Variants in ZBTB39 observed in about 807,000 individuals in gnomAD.
ZBTB39 encodes the protein zinc finger and BTB domain containing 39.
Under a neutral mutation model 39.4 loss-of-function variants are expected in ZBTB39, and 25 were observed. That is an observed-to-expected ratio of 0.63 (90% CI 0.46 to 0.89). The LOEUF is 0.89. Ranked by LOEUF, ZBTB39 falls within the 40% of genes least tolerant of loss-of-function variation. The pLI, the probability that ZBTB39 is intolerant of heterozygous loss-of-function variation, is 0.00. For missense variants in ZBTB39, 891 were observed against 909.7 expected (o/e 0.98, Z 0.26); for synonymous variants, 373 against 359.6 (o/e 1.04, Z -0.42).
chr12:57,001,032 C>T lies in ZBTB39; in HGVS notation c.*1747G>A, dbSNP rs1048014763. On this transcript the variant is annotated 3_prime_UTR_variant, in exon 2 of 2. Transcript: ENST00000300101. ...TGAAAGGCCTGGAATTTAACTGTCCCGAACTTTATAGAACATACACCCATG... is the reference window on the plus strand; with the variant it reads ...TGAAAGGCCTGGAATTTAACTGTCCTGAACTTTATAGAACATACACCCATG... The T allele has an allele frequency of 2.0e-5, 3 of 152,222 alleles. No individual in the cohort carries two copies. Among genetic ancestry groups the T allele is most frequent in the African/African-American group, 7.2e-5 (3 of 41,422 alleles). The allele number at this position is 152,222 out of a possible 1,614,324, so 9.4% of individuals were successfully genotyped here. A position where few individuals can be genotyped will look rare whatever the true frequency, so the allele number is the denominator to read the frequency against.
chr12:57,004,536 T>A lies in ZBTB39; in HGVS notation c.382A>T (p.Thr128Ser). ...CTGGTCAGGGGCTTGGCCCTGGCAG[T>A]GCTCTCCAGATCAGGAAAGGTAGAG... is the stretch of plus-strand genomic sequence containing the variant. ...CHSTFPDLESTARAKPLTSTS... is the reference protein window; with the variant it reads ...CHSTFPDLESSARAKPLTSTS... The change falls in exon 2 of 2, where the codon ACT becomes TCT. Residue 128 changes from threonine (T) to serine (S), a missense_variant. Physicochemically the swap from Thr to Ser is moderately conservative, Grantham distance 58. Transcript: ENST00000300101. 7 of 1,614,164 alleles carry A rather than the reference T, an allele frequency of 4.3e-6. No homozygotes were observed. Among genetic ancestry groups the A allele is most frequent in the Non-Finnish European group, 5.9e-6 (7 of 1,180,028 alleles).
Position 57,003,283 on chromosome 12 carries a change from C to T in ZBTB39, c.1635G>A (p.Gln545=), listed in dbSNP as rs1956221619. 9.9e-6 allele frequency: 16 copies of T among 1,614,066 alleles called. No homozygotes were observed. The highest frequency in any genetic ancestry group is 1.4e-5 in the Non-Finnish European group (16 of 1,180,012). The change falls in exon 2 of 2, where the codon CAG becomes CAA. Residue 545 remains glutamine (Q), a synonymous_variant. Coordinates refer to ENST00000300101, the MANE Select transcript of ZBTB39 (RefSeq NM_014830.3). This position sits in a 1 kb window ranked among gnomAD's most constrained non-coding sequence, Gnocchi z 4.8. The part of the protein sequence containing the change: ...DALFHCRLCS[Q]SFKSEAAYRY... ...GATAGGCAGCCTCTGACTTGAAGCT[C>T]TGGCTGCACAAGCGGCAGTGGAAGA...
intron 1 of ZBTB39, among the ~76,000 whole-genome samples, chr12:57,006,099 TCC>T (rs1956243600): frequency 6.6e-6 from 1 of 151,994 alleles, no homozygotes; most frequent in African/African-American, 2.4e-5. Flanking sequence ...CGCCGCGGTC[TCC>T]CCTCCGGAGT....
In ZBTB39 at chr12:57,004,506, T is replaced by C. The variant is rs763106876; in HGVS notation, c.412A>G (p.Ser138Gly). ...CTCAGGGTACCAGAGTGGCTCTCAC[T>C]GGTGCTGGTCAGGGGCTTGGCCCTG... Reference protein sequence around the residue: ...TARAKPLTSTSESHSGTLSCP... With the variant: ...TARAKPLTSTGESHSGTLSCP... The change falls in exon 2 of 2, where the codon AGT (serine) becomes GGT (glycine). Residue 138 changes from serine to glycine, a missense_variant. Coordinates refer to ENST00000300101, the MANE Select transcript of ZBTB39 (RefSeq NM_014830.3). 10 of 1,614,190 alleles carry C rather than the reference T, an allele frequency of 6.2e-6. No homozygotes were observed. The highest frequency in any genetic ancestry group is 1.6e-4 in the Middle Eastern group (1 of 6,062).
At position 57,003,594 on chromosome 12, in the gene ZBTB39, G is replaced by T. The variant is rs765230925; in HGVS notation, c.1324C>A (p.Leu442Ile). The change falls in exon 2 of 2, where the codon CTC becomes ATC. Residue 442 changes from leucine to isoleucine, a missense_variant. Leu to Ile is a conservative substitution (Grantham distance 5). Coordinates refer to ENST00000300101, the MANE Select transcript of ZBTB39 (RefSeq NM_014830.3). The surrounding 1 kb of genome is among the most constrained non-coding windows in gnomAD (Gnocchi z 4.8). Reference sequence around the variant, plus strand: ...TCTGGGGAGGCTGCCCCTGAAAAGAGACCCAGCTTCCCTGGCAGGGGATCG... The same window carrying T: ...TCTGGGGAGGCTGCCCCTGAAAAGATACCCAGCTTCCCTGGCAGGGGATCG... ...PNDPLPGKLGLFSGAASPELK... is the reference protein window; with the variant it reads ...PNDPLPGKLGIFSGAASPELK... 3.1e-6 allele frequency: 5 copies of T among 1,614,002 alleles called. No individual in the cohort carries two copies. The highest frequency in any genetic ancestry group is 2.2e-5 in the East Asian group (1 of 44,902).
In ZBTB39 at chr12:57,004,093, G is replaced by A; in HGVS notation, c.825C>T (p.Ser275=). 6.2e-7 allele frequency: 1 copy of A among 1,614,222 alleles called. No homozygotes were observed. Among genetic ancestry groups the A allele is most frequent in the African/African-American group, 1.3e-5 (1 of 75,058 alleles). The stretch of plus-strand genomic sequence containing the variant: ...TGGAGTGCTCACTATTGCTCAGACA[G>A]GAGTTGGTCCCAGTGGTAATGTCTA... The part of the protein sequence containing the change: ...NAVDITTGTN[S]CLSNSEHSKD... Residue 275 remains serine, a synonymous_variant, in exon 2 of 2, where the codon TCC becomes TCT. Coordinates refer to ENST00000300101, the MANE Select transcript of ZBTB39 (RefSeq NM_014830.3).
In ZBTB39 at chr12:57,002,466, AGAGAG is replaced by A; in HGVS notation, c.*308_*312del. ...TAAAACCTATCAGTAAACTAAAACT[AGAGAG>A]GCTGGGGAAGGGGGTCTAGTGGACA... On this transcript the variant is annotated 3_prime_UTR_variant, in exon 2 of 2. Transcript: ENST00000300101. 2.8e-6 allele frequency: 1 copy of A among 353,014 alleles called. No individual in the cohort carries two copies. The highest frequency in any genetic ancestry group is 5.0e-5 in the East Asian group (1 of 20,126). The allele number at this position is 353,014 out of a possible 1,614,324, so 21.9% of individuals were successfully genotyped here. A position where few individuals can be genotyped will look rare whatever the true frequency, so the allele number is the denominator to read the frequency against.
Position 57,004,964 on chromosome 12 carries a change from G to C in ZBTB39, c.-44-3C>G, listed in dbSNP as rs764322453. 2 of 1,519,902 alleles carry C rather than the reference G, an allele frequency of 1.3e-6. No individual in the cohort carries two copies. The highest frequency in any genetic ancestry group is 1.8e-6 in the Non-Finnish European group (2 of 1,129,326). 94.2% of individuals were successfully genotyped at this position (1,519,902 alleles called of 1,614,324 possible). ...ACCTCCTTATCAGCACAGTTAATCT[G>C]TGGATAGCAAGAGAAAAAGATGGAT... On this transcript the variant is annotated splice_region_variant and splice_polypyrimidine_tract_variant and intron_variant, in intron 1 of 1. Transcript: ENST00000300101.
rs1956246971 is a variant in ZBTB39 at position 57,006,490 on chromosome 12, G to T, written c.-130C>A. ...GCCGTGCCCGGCCCGACGAGGAGGC[G>T]GCGCCGCCGGCCGCGGCCAGACTCT... is the stretch of plus-strand genomic sequence containing the variant. On this transcript the variant is annotated 5_prime_UTR_variant, in exon 1 of 2. Coordinates refer to ENST00000300101, the MANE Select transcript of ZBTB39 (RefSeq NM_014830.3). 6.8e-6 allele frequency: 1 copy of T among 147,668 alleles called. No homozygotes were observed. Among genetic ancestry groups the T allele is most frequent in the Non-Finnish European group, 1.5e-5 (1 of 66,362 alleles). 9.1% of individuals were successfully genotyped at this position (147,668 alleles called of 1,614,324 possible).
rs756938046 is a variant in ZBTB39, at chr12:57,004,032, G to C, written c.886C>G (p.Leu296Val). 3.1e-6 allele frequency: 5 copies of C among 1,614,250 alleles called. No homozygotes were observed. Among genetic ancestry groups the C allele is most frequent in the Non-Finnish European group, 4.2e-6 (5 of 1,180,044 alleles). Residue 296 changes from leucine to valine, a missense_variant, in exon 2 of 2, where the codon CTC (leucine) becomes GTC (valine). Transcript: ENST00000300101. ...AAGTCATCATCCCCCAGGTCCTCGA[G>C]CTGGAGCTCATCCATCTGCCCAAAG... ...PGFGQMDELQ[L>V]EDLGDDDLQF...
Position 57,004,108 on chromosome 12 carries a change from G to C in ZBTB39, c.810C>G (p.Thr270=). The change falls in exon 2 of 2, where the codon ACC becomes ACG. Residue 270 remains threonine, a synonymous_variant. Coordinates refer to ENST00000300101, the MANE Select transcript of ZBTB39 (RefSeq NM_014830.3). ...FLTPDNAVDI[T]TGTNSCLSNS... The stretch of plus-strand genomic sequence containing the variant: ...TGCTCAGACAGGAGTTGGTCCCAGT[G>C]GTAATGTCTACTGCATTGTCAGGGG... 6.2e-7 allele frequency: 1 copy of C among 1,614,224 alleles called. No individual in the cohort carries two copies. Among genetic ancestry groups the C allele is most frequent in the Non-Finnish European group, 8.5e-7 (1 of 1,180,038 alleles).
In ZBTB39 at chr12:57,004,424, T is replaced by C. The variant is rs142243638; in HGVS notation, c.494A>G (p.Tyr165Cys). The change falls in exon 2 of 2, where the codon TAC (tyrosine) becomes TGC (cysteine). Residue 165 changes from tyrosine to cysteine, a missense_variant. Coordinates refer to ENST00000300101, the MANE Select transcript of ZBTB39 (RefSeq NM_014830.3). ...PLGELRGGGDYLGADRNYVLP... is the reference protein window; with the variant it reads ...PLGELRGGGDCLGADRNYVLP... ...CACATAGTTTCTATCAGCACCAAGG[T>C]AGTCCCCACCACCTCGGAGTTCTCC... is the stretch of plus-strand genomic sequence containing the variant. The C allele has an allele frequency of 2.0e-5, 33 of 1,614,168 alleles. No individual in the cohort carries two copies. Among genetic ancestry groups the C allele is most frequent in the Admixed American group, 3.3e-5 (2 of 60,026 alleles).
chr12:57,004,684 G>A lies in ZBTB39; in HGVS notation c.234C>T (p.Ala78=). ...RTYVVDFITP[A]NFEKVLSFVY... is the part of the protein sequence containing the mutation. ...CAAAGCTCAGAACCTTCTCAAAGTT[G>A]GCAGGGGTGATGAAGTCCACCACAT... Residue 78 remains alanine (A), a synonymous_variant, in exon 2 of 2, where the codon GCC becomes GCT. Transcript: ENST00000300101. The A allele has an allele frequency of 1.2e-6, 2 of 1,614,224 alleles. No individual in the cohort carries two copies. The highest frequency in any genetic ancestry group is 2.2e-5 in the South Asian group (2 of 91,086).
intron 1 of ZBTB39, 84 bp from the exon 2 acceptor site, chr12:57,005,045 G>T: frequency 9.9e-7 from 1 of 1,010,196 alleles, no homozygotes; most frequent in Non-Finnish European, 1.4e-6. Flanking sequence ...CCATCACTCT[G>T]AATGCTTCCA....
rs148071081 is a variant in ZBTB39 at position 57,002,950 on chromosome 12, C to T, written c.1968G>A (p.Ser656=). 172 of 1,614,210 alleles carry T rather than the reference C, an allele frequency of 1.1e-4. No individual in the cohort carries two copies. In the African/African-American group the frequency reaches 1.8e-3, roughly 17 times the overall value. Residue 656 remains serine (S), a synonymous_variant, in exon 2 of 2, where the codon TCG becomes TCA. Coordinates refer to ENST00000300101, the MANE Select transcript of ZBTB39 (RefSeq NM_014830.3). ...CTGTGCAGCGGTACATGAGGGCCCC[C>T]GAGTGTGTCTTTAGGTGGCACTTGA... ...STIKCHLKTH[S]GALMYRCTVC...
rs774038606 is a variant in ZBTB39, at chr12:57,002,877, C to A, written c.2041G>T (p.Gly681Cys). 2.5e-6 allele frequency: 4 copies of A among 1,614,154 alleles called. No individual in the cohort carries two copies. The highest frequency in any genetic ancestry group is 2.2e-5 in the East Asian group (1 of 44,876). The change falls in exon 2 of 2, where the codon GGT becomes TGT. Residue 681 changes from glycine (G) to cysteine (C), a missense_variant. By Grantham distance (159) the Gly-to-Cys change is radical. Transcript: ENST00000300101. The part of the protein sequence containing the change: ...STLNLMSKHV[G>C]VHKGSLPPDF... ...GGGGGGAGGCTGCCTTTGTGCACAC[C>A]AACATGTTTGCTCATGAGGTTAAGG...
Position 57,001,540 on chromosome 12 carries a change from G to C in ZBTB39, c.*1239C>G, listed in dbSNP as rs1158830355. On this transcript the variant is annotated 3_prime_UTR_variant, in exon 2 of 2. Coordinates refer to ENST00000300101, the MANE Select transcript of ZBTB39 (RefSeq NM_014830.3). ...AGTAAGAGTGGAGCTAACCAGCTGCGTGGGCTGTGCCGGCACACTCTGCAG... is the reference window on the plus strand; with the variant it reads ...AGTAAGAGTGGAGCTAACCAGCTGCCTGGGCTGTGCCGGCACACTCTGCAG... The C allele has an allele frequency of 6.6e-6, 1 of 152,380 alleles. No individual in the cohort carries two copies. Among genetic ancestry groups the C allele is most frequent in the East Asian group, 1.9e-4 (1 of 5,190 alleles). 9.4% of individuals were successfully genotyped at this position (152,380 alleles called of 1,614,324 possible). A position where few individuals can be genotyped will look rare whatever the true frequency, so the allele number is the denominator to read the frequency against.
At position 57,004,063 on chromosome 12, in the gene ZBTB39, A is replaced by G; in HGVS notation, c.855T>C (p.Asp285=). The G allele has an allele frequency of 6.2e-7, 1 of 1,614,220 alleles. No homozygotes were observed. The highest frequency in any genetic ancestry group is 8.5e-7 in the Non-Finnish European group (1 of 1,180,032). Residue 285 remains aspartate, a synonymous_variant, in exon 2 of 2, where the codon GAT becomes GAC. Coordinates refer to ENST00000300101, the MANE Select transcript of ZBTB39 (RefSeq NM_014830.3). ...GCTCATCCATCTGCCCAAAGCCAGG[A>G]TCTTTGGAGTGCTCACTATTGCTCA... The part of the protein sequence containing the change: ...SCLSNSEHSK[D]PGFGQMDELQ...
rs1158068415 is a variant in ZBTB39 at position 57,003,157 on chromosome 12, C to T, written c.1761G>A (p.Glu587=). Residue 587 remains glutamate, a synonymous_variant, in exon 2 of 2, where the codon GAG becomes GAA. Coordinates refer to ENST00000300101, the MANE Select transcript of ZBTB39 (RefSeq NM_014830.3). The surrounding 1 kb of genome is among the most constrained non-coding windows in gnomAD (Gnocchi z 4.8). ...GCGCCAGCTCTTCACCCAGAAACTC[C>T]TCTGCTGGCAGCTTCCGCTTCTGGA... ...PALQKRKLPA[E]EFLGEELALQ... 4 of 1,614,174 alleles carry T rather than the reference C, an allele frequency of 2.5e-6. No individual in the cohort carries two copies. The highest frequency in any genetic ancestry group is 2.2e-5 in the South Asian group (2 of 91,082).
Sources: gnomAD v4.1 joint callset for allele counts (sites outside exome capture counted in the v4.1 genomes callset) on GRCh38, gnomAD v4.1.1 for gene constraint, Gnocchi (gnomAD v3.1) non-coding constraint, MANE v1.5 for transcripts, NCBI Gene and HGNC (gene_info 2026-07-23, HGNC 2026-07-21) for gene names.